Variants in SHISA6 observed in about 807,000 individuals in gnomAD.
SHISA6 encodes the protein shisa family member 6.
In SHISA6, 22 loss-of-function variants were observed where a neutral mutation model predicts 47.9. That is an observed-to-expected ratio of 0.46 (90% CI 0.33 to 0.66). The LOEUF (loss-of-function observed/expected upper bound fraction) is 0.66, where lower values mean the gene tolerates loss of function less well. Ranked by LOEUF, SHISA6 falls within the 30% of genes least tolerant of loss-of-function variation. The probability of loss-of-function intolerance (pLI) is 0.02; values close to 1 mark genes in which losing one functional copy is unlikely to be tolerated. For missense variants in SHISA6, 680 were observed against 764.6 expected (o/e 0.89, Z 1.30); for synonymous variants, 388 against 337.8 (o/e 1.15, Z -1.63).
rs1462934054 is a variant in SHISA6, at chr17:11,557,756, G to A, written c.1108G>A (p.Asp370Asn). The A allele has an allele frequency of 1.0e-5, 16 of 1,538,728 alleles. No individual in the cohort carries two copies. The highest frequency in any genetic ancestry group is 4.9e-5 in the South Asian group (4 of 82,048). Residue 370 changes from aspartate (D) to asparagine (N), a missense_variant and splice_region_variant, in exon 6 of 6, where the codon GAC becomes AAC. Around this residue, in one of 2 missense-constraint regions of SHISA6, gnomAD observed 559 missense variants for 674.1 expected, o/e 0.83. Coordinates refer to ENST00000441885, the MANE Select transcript of SHISA6 (RefSeq NM_207386.4). ...SKYSSLKRLT[D>N]KEADEYYMRR... ...CTCACTCTGTCTCTCCCCTGCAGCC[G>A]ACAAGGAGGCTGACGAGTATTACAT... is the stretch of plus-strand genomic sequence containing the variant.
At chr17:11,496,488 C>T in intron 3 of SHISA6, among the ~76,000 whole-genome samples, 1 of 152,072 alleles carries the variant, frequency 6.6e-6, no homozygotes, top group East Asian at 1.9e-4. Flanking sequence ...GCCTGTAATC[C>T]CAACACTTTG....
At chr17:11,365,706 G>A (rs1246401066) in intron 2 of SHISA6, among the ~76,000 whole-genome samples, 2 of 152,204 alleles carry the variant, frequency 1.3e-5, no homozygotes, top group Non-Finnish European at 2.9e-5. Flanking sequence ...TATATCCTAT[G>A]TGCCCAGCAC....
intron 2 of SHISA6, among the ~76,000 whole-genome samples, chr17:11,273,795 A>G (rs1567557047): frequency 6.6e-6 from 1 of 152,068 alleles, no homozygotes; most frequent in Non-Finnish European, 1.5e-5. Flanking sequence ...AGTGTCCAGG[A>G]CTCACTCTCT....
intron 3 of SHISA6, among the ~76,000 whole-genome samples, chr17:11,429,620 TA>T (rs34738346): frequency 0.04 from 4,816 of 121,530 alleles, 151 homozygotes; most frequent in African/African-American, 0.098. Context: ...CATCTCTACT[TA>T]AAAAAAAAAA....
At chr17:11,527,898 A>G (rs2071699658) in intron 3 of SHISA6, among the ~76,000 whole-genome samples, 1 of 152,182 alleles carries the variant, frequency 6.6e-6, no homozygotes, top group South Asian at 2.1e-4. Context: ...ATTCACTTAC[A>G]CAAAATCTCC....
intron 3 of SHISA6, among the ~76,000 whole-genome samples, chr17:11,382,034 T>A (rs1007801101): frequency 2.0e-5 from 3 of 152,030 alleles, no homozygotes; most frequent in Non-Finnish European, 2.9e-5. Flanking sequence ...TTGGGGGTAG[T>A]GGGTGCAGGC....
chr17:11,507,949 A>AC (rs2071513701), intron 3 of SHISA6, among the ~76,000 whole-genome samples: 2 of 152,226 alleles, frequency 1.3e-5, no homozygotes, highest in African/African-American at 4.8e-5. Flanking sequence ...ACATGAGGTC[A>AC]AAGGGAGTGA....
chr17:11,470,410 T>A (rs1204814703), intron 3 of SHISA6, among the ~76,000 whole-genome samples: 3 of 152,198 alleles, frequency 2.0e-5, no homozygotes, highest in Admixed American at 6.5e-5. Flanking sequence ...CAGGTATCAG[T>A]CCCCAGAGAC....
intron 2 of SHISA6, among the ~76,000 whole-genome samples, chr17:11,310,152 A>G (rs972191271): frequency 6.6e-6 from 1 of 152,200 alleles, no homozygotes; most frequent in Non-Finnish European, 1.5e-5. Context: ...GACAGTCTCC[A>G]TTATACATGC....
At chr17:11,272,260 C>T (rs953494438) in intron 2 of SHISA6, among the ~76,000 whole-genome samples, 1 of 152,174 alleles carries the variant, frequency 6.6e-6, no homozygotes, top group Non-Finnish European at 1.5e-5. Context: ...CCCAGCCATG[C>T]TCTGCTCTTT....
At chr17:11,363,856 G>A (rs12952164) in intron 2 of SHISA6, among the ~76,000 whole-genome samples, 71,610 of 151,964 alleles carry the variant, frequency 0.47, 17,080 homozygotes, top group Middle Eastern at 0.54. Context: ...AAATTTCTGA[G>A]TAGCTTGCCC....
chr17:11,495,092 T>C (rs2071397338), intron 3 of SHISA6, among the ~76,000 whole-genome samples: 1 of 152,170 alleles, frequency 6.6e-6, no homozygotes, highest in Non-Finnish European at 1.5e-5. Flanking sequence ...TGGAATAAGC[T>C]GATCATCCTG....
At chr17:11,515,566 G>C (rs1459542877) in intron 3 of SHISA6, among the ~76,000 whole-genome samples, 4 of 152,106 alleles carry the variant, frequency 2.6e-5, no homozygotes, top group Admixed American at 6.5e-5. Context: ...AGCAAGGTGT[G>C]GTCTCAGCTG....
chr17:11,297,676 G>A (rs4792123), intron 2 of SHISA6, among the ~76,000 whole-genome samples: 38,486 of 152,136 alleles, frequency 0.25, 5,841 homozygotes, highest in Non-Finnish European at 0.35. Context: ...CTTAGTATCT[G>A]TGTGCTTAGC....
intron 3 of SHISA6, among the ~76,000 whole-genome samples, chr17:11,482,260 A>G (rs1005081504): frequency 6.6e-6 from 1 of 152,254 alleles, no homozygotes; most frequent in Non-Finnish European, 1.5e-5. Context: ...GAATAAATCA[A>G]GAATTTGACA....
chr17:11,426,393 G>A (rs959541387), intron 3 of SHISA6, among the ~76,000 whole-genome samples: 6 of 152,198 alleles, frequency 3.9e-5, no homozygotes, highest in Non-Finnish European at 7.3e-5. Flanking sequence ...ATCATGGCAA[G>A]TATGAACCAT....
chr17:11,403,732 C>T (rs941038946), intron 3 of SHISA6, among the ~76,000 whole-genome samples: 1 of 152,184 alleles, frequency 6.6e-6, no homozygotes, highest in Admixed American at 6.5e-5. Context: ...GTTGACTACC[C>T]CTGTAGTACC....
chr17:11,478,996 A>C (rs1235461405), intron 3 of SHISA6, among the ~76,000 whole-genome samples: 3 of 152,166 alleles, frequency 2.0e-5, no homozygotes, highest in Non-Finnish European at 2.9e-5. Context: ...GGTAGGAAGA[A>C]TCAATATCGT....
intron 3 of SHISA6, among the ~76,000 whole-genome samples, chr17:11,500,247 A>G (rs1248190811): frequency 6.6e-6 from 1 of 152,054 alleles, no homozygotes; most frequent in East Asian, 1.9e-4. Flanking sequence ...GCCCCTTCTC[A>G]CTTACGGGAG....
Sources: gnomAD v4.1 joint callset for allele counts (sites outside exome capture counted in the v4.1 genomes callset) on GRCh38, gnomAD v4.1.1 for gene constraint, gnomAD v4.1.1 regional missense constraint, MANE v1.5 for transcripts, NCBI Gene and HGNC (gene_info 2026-07-23, HGNC 2026-07-21) for gene names.